The following MOB1B variants were observed in gnomAD, a reference collection of about 807,000 sequenced individuals.
The protein encoded by MOB1B is MOB1 Mps One Binder homolog B.
In MOB1B, 19 loss-of-function variants were observed where a neutral mutation model predicts 24.4. The ratio of observed to expected loss-of-function variants is 0.78; its 90% CI spans 0.54 to 1.14. The LOEUF is 1.14. Among genes scored for constraint, MOB1B ranks in the 50% most tolerant of loss-of-function variants. MOB1B has a pLI of 0.00. For synonymous variants in MOB1B, 76 were observed against 82.1 expected, an observed-to-expected ratio of 0.93 and a Z score of 0.40; for missense variants, 243 against 259.6, an observed-to-expected ratio of 0.94 and a Z score of 0.44.
intron 1 of MOB1B, among the ~76,000 whole-genome samples, chr4:70,906,167 C>T (rs1735730417): frequency 6.6e-6 from 1 of 151,996 alleles, no homozygotes; most frequent in Non-Finnish European, 1.5e-5. Flanking sequence ...CACTTGAAGT[C>T]AGGAGTTTGA....
intron 1 of MOB1B, among the ~76,000 whole-genome samples, chr4:70,932,597 G>A (rs1461745531): frequency 6.6e-6 from 1 of 152,192 alleles, no homozygotes; most frequent in Non-Finnish European, 1.5e-5. Context: ...AGGCTGGGAA[G>A]TAAATCAACT....
chr4:70,913,050 GC>G (rs1455187435), intron 1 of MOB1B, among the ~76,000 whole-genome samples: 1 of 152,192 alleles, frequency 6.6e-6, no homozygotes, highest in Non-Finnish European at 1.5e-5. Context: ...GAGCCACCGG[GC>G]CCAGCCTGTG....
intron 1 of MOB1B, among the ~76,000 whole-genome samples, chr4:70,940,407 CAG>C (rs1393944226): frequency 6.6e-6 from 1 of 152,242 alleles, no homozygotes; most frequent in Non-Finnish European, 1.5e-5. Flanking sequence ...TGGGTGAGAG[CAG>C]AGCGAGACCC....
chr4:70,928,219 T>C (rs948943436), intron 1 of MOB1B, among the ~76,000 whole-genome samples: 1 of 152,198 alleles, frequency 6.6e-6, no homozygotes, highest in Admixed American at 6.5e-5. Context: ...AATGTTTGTT[T>C]TAAATCTCTA....
rs892901669 is a variant in MOB1B at position 70,984,128 on chromosome 4, A to G, written c.*2071A>G. The G allele has an allele frequency of 6.6e-6, 1 of 152,584 alleles. No individual in the cohort carries two copies. The highest frequency in any genetic ancestry group is 1.5e-5 in the Non-Finnish European group (1 of 68,000). The allele number at this position is 152,584 out of a possible 1,614,324, so 9.5% of individuals were successfully genotyped here. ...CCTTTCAAGCCTTATACAGTAGTAC[A>G]CTGTACTTGTTTTTAGTAGTAAGAC... is the stretch of plus-strand genomic sequence containing the variant. On this transcript the variant is annotated 3_prime_UTR_variant, in exon 6 of 6. Coordinates refer to ENST00000309395, the MANE Select transcript of MOB1B (RefSeq NM_173468.4).
At chr4:70,902,646 T>G in intron 1 of MOB1B, 96 bp downstream of exon 1, 1 of 1,048,874 alleles carries the variant, frequency 9.5e-7, no homozygotes, top group Non-Finnish European at 1.2e-6. Context: ...GTCCCGACCC[T>G]CCTGGCCCAG....
intron 5 of MOB1B, among the ~76,000 whole-genome samples, chr4:70,979,656 C>T (rs1046642399): frequency 1.3e-5 from 2 of 152,236 alleles, no homozygotes; most frequent in Non-Finnish European, 2.9e-5. Flanking sequence ...TCTTTATTAG[C>T]GGACTCTGGT....
chr4:70,904,289 T>G (rs1255608109), intron 1 of MOB1B, among the ~76,000 whole-genome samples: 1 of 151,934 alleles, frequency 6.6e-6, no homozygotes, highest in Non-Finnish European at 1.5e-5. Flanking sequence ...CTGGGCAGTT[T>G]CTTGTTTTAG....
intron 1 of MOB1B, among the ~76,000 whole-genome samples, chr4:70,926,900 G>A (rs1276571277): frequency 6.6e-6 from 1 of 151,984 alleles, no homozygotes; most frequent in Non-Finnish European, 1.5e-5. Context: ...GGGAGGCTGA[G>A]GCAGGAGAAT....
chr4:70,968,112 A>G (rs1738609428), intron 2 of MOB1B, among the ~76,000 whole-genome samples: 1 of 152,248 alleles, frequency 6.6e-6, no homozygotes, highest in African/African-American at 2.4e-5. Flanking sequence ...GGTATCCCCA[A>G]GTGCTGGGGT....
At chr4:70,953,120 G>A (rs1488941955) in intron 1 of MOB1B, among the ~76,000 whole-genome samples, 2 of 151,690 alleles carry the variant, frequency 1.3e-5, no homozygotes, top group African/African-American at 4.8e-5. Context: ...TGTGTTTTTA[G>A]CAGAGATAGG....
chr4:70,952,833 A>G (rs1737866728), intron 1 of MOB1B, among the ~76,000 whole-genome samples: 1 of 151,674 alleles, frequency 6.6e-6, no homozygotes, highest in African/African-American at 2.4e-5. Flanking sequence ...TTGGGCATAC[A>G]GTGTTGCTAC....
At chr4:70,964,143 A>G (rs960966812) in intron 2 of MOB1B, among the ~76,000 whole-genome samples, 8 of 152,224 alleles carry the variant, frequency 5.3e-5, no homozygotes, top group Non-Finnish European at 7.3e-5. Context: ...ACTGAACTAA[A>G]AGGAGAAGTA....
At chr4:70,929,826 T>C (rs1736814657) in intron 1 of MOB1B, among the ~76,000 whole-genome samples, 1 of 152,092 alleles carries the variant, frequency 6.6e-6, no homozygotes, top group Admixed American at 6.5e-5. Flanking sequence ...TTTGTATTTT[T>C]AGTAGAGACG....
chr4:70,972,814 C>T (rs1201787223), intron 3 of MOB1B, among the ~76,000 whole-genome samples: 2 of 152,126 alleles, frequency 1.3e-5, no homozygotes, highest in Non-Finnish European at 2.9e-5. Context: ...CGCTCTTTCA[C>T]CCAGGCCGGA....
chr4:70,971,931 C>G (rs1249992017), intron 3 of MOB1B, among the ~76,000 whole-genome samples: 2 of 149,436 alleles, frequency 1.3e-5, no homozygotes, highest in Non-Finnish European at 2.9e-5. Context: ...TCCTTTCTCC[C>G]TCCTTCTTTC....
Position 70,976,753 on chromosome 4 carries a change from C to CATATATAT in MOB1B, c.409+1482_409+1489dup, listed in dbSNP as rs376072053. 4.6e-4 allele frequency: 85 copies of CATATATAT among 184,268 alleles called. 2 individuals are homozygous for CATATATAT. The highest frequency in any genetic ancestry group is 2.3e-3 in the African/African-American group (74 of 32,462). The allele number at this position is 184,268 out of a possible 1,614,324, so 11.4% of individuals were successfully genotyped here. On this transcript the variant is annotated intron_variant, in intron 4 of 5. Transcript: ENST00000309395. The stretch of plus-strand genomic sequence containing the variant: ...AGAGCAATTTTTCAAGACTGAATTA[C>CATATATAT]ATATATATATATATATATATATCTC...
chr4:70,979,082 G>A (rs748255064), intron 4 of MOB1B, 46 bp from the exon 5 acceptor site: 1 of 1,497,692 alleles, frequency 6.7e-7, no homozygotes, highest in African/African-American at 1.4e-5. Flanking sequence ...TCATTGTCTT[G>A]TTGTCATCTC....
chr4:70,951,969 T>C (rs1424233736), intron 1 of MOB1B, among the ~76,000 whole-genome samples: 2 of 152,252 alleles, frequency 1.3e-5, no homozygotes, highest in African/African-American at 2.4e-5. Flanking sequence ...TTTAAGACTT[T>C]CGTACGTTGT....
Sources: allele counts gnomAD v4.1 joint callset (sites outside exome capture counted in the v4.1 genomes callset), GRCh38; gene constraint gnomAD v4.1.1; transcripts MANE v1.5; gene names NCBI Gene and HGNC (gene_info 2026-07-23, HGNC 2026-07-21).